RANBP2: variants seen among roughly 807,000 people sequenced by gnomAD.
The protein encoded by RANBP2 is RAN binding protein 2, also known as E3 SUMO-protein ligase RanBP2.
RANBP2 carries 57 observed loss-of-function variants against 303.6 expected under a neutral mutation model. The ratio of observed to expected loss-of-function variants is 0.19; its 90% CI spans 0.15 to 0.23. The LOEUF is 0.23. RANBP2 is among the 10% of genes least tolerant of loss of function. The pLI, the probability that RANBP2 is intolerant of heterozygous loss-of-function variation, is 1.00. For missense variants in RANBP2, 3,138 were observed against 3,780.8 expected, an observed-to-expected ratio of 0.83 and a Z score of 4.46; for synonymous variants, 1,167 against 1,301.5, an observed-to-expected ratio of 0.90 and a Z score of 2.23.
chr2:109,112,699 G>A, the RANBP2 span, among the ~76,000 whole-genome samples: 2 of 152,128 alleles, frequency 1.3e-5, no homozygotes, highest in African/African-American at 4.8e-5. Flanking sequence ...TGGACATGAA[G>A]TCCTTGCCCA....
the RANBP2 span, among the ~76,000 whole-genome samples, chr2:109,405,231 G>A: frequency 2.6e-5 from 4 of 152,242 alleles, no homozygotes; most frequent in East Asian, 1.9e-4. Context: ...AGGAGCAACC[G>A]ATGACACCCC....
intron 1 of RANBP2, among the ~76,000 whole-genome samples, chr2:108,720,766 C>T (rs868818313): frequency 3.9e-5 from 6 of 152,184 alleles, no homozygotes; most frequent in Non-Finnish European, 8.8e-5. Context: ...AGGATATTGG[C>T]GGGGCGCAGT....
the RANBP2 span, chr2:108,908,019 G>T: frequency 6.2e-7 from 1 of 1,607,098 alleles, no homozygotes; most frequent in African/African-American, 1.3e-5. Context: ...CATCGTTCTC[G>T]CTGCAAAAAC....
At chr2:109,394,131 G>A in the RANBP2 span, among the ~76,000 whole-genome samples, 1 of 152,316 alleles carries the variant, frequency 6.6e-6, no homozygotes, top group Admixed American at 6.5e-5. Context: ...CTGTTTAAAG[G>A]ATGGATGGAA....
the RANBP2 span, among the ~76,000 whole-genome samples, chr2:109,075,114 G>C: frequency 1.0e-4 from 15 of 147,060 alleles, no homozygotes; most frequent in Non-Finnish European, 2.1e-4. Flanking sequence ...AACTAGAAAA[G>C]GAACAAACTA....
the RANBP2 span, among the ~76,000 whole-genome samples, chr2:108,988,741 G>A: frequency 6.6e-6 from 1 of 152,192 alleles, no homozygotes; most frequent in Non-Finnish European, 1.5e-5. Flanking sequence ...GCAACCAACA[G>A]CAAAACAGGG....
At chr2:108,857,065 GCTTT>G in the RANBP2 span, 8 of 55,342 alleles carry the variant, frequency 1.4e-4, no homozygotes, top group South Asian at 5.4e-4. Flanking sequence ...AGATACTATT[GCTTT>G]TTTTTTTTTT....
chr2:109,170,767 G>A, the RANBP2 span, among the ~76,000 whole-genome samples: 1 of 152,318 alleles, frequency 6.6e-6, no homozygotes, highest in Non-Finnish European at 1.5e-5. Flanking sequence ...CAAGGGGTGC[G>A]GATGACCCAT....
chr2:109,628,485 C>G, the RANBP2 span, among the ~76,000 whole-genome samples: 2 of 149,578 alleles, frequency 1.3e-5, no homozygotes, highest in Non-Finnish European at 3.0e-5. Flanking sequence ...CAAAGTGAGA[C>G]TCTGTCTCAA....
chr2:109,105,670 T>C, the RANBP2 span, among the ~76,000 whole-genome samples: 1 of 152,050 alleles, frequency 6.6e-6, no homozygotes, highest in Non-Finnish European at 1.5e-5. Context: ...TTCTCCTGCT[T>C]CAGCCTCCTG....
the RANBP2 span, among the ~76,000 whole-genome samples, chr2:109,371,951 G>A: frequency 1.3e-5 from 2 of 152,154 alleles, no homozygotes; most frequent in Non-Finnish European, 2.9e-5. Context: ...GCCCCCTTGT[G>A]CACCTTCCCC....
rs749019168 is a variant in RANBP2, at chr2:108,784,477, T to A, written c.*576T>A. The stretch of plus-strand genomic sequence containing the variant: ...AGTTAACTTTGTAAGTAGCGTACCT[T>A]CCTTCCTTAAAATATCTAGCTTCCT... On this transcript the variant is annotated 3_prime_UTR_variant, in exon 29 of 29. Transcript: ENST00000283195. 1.3e-5 allele frequency: 2 copies of A among 152,724 alleles called. No individual in the cohort carries two copies. The highest frequency in any genetic ancestry group is 1.9e-4 in the East Asian group (1 of 5,194). The allele number at this position is 152,724 out of a possible 1,614,324, so 9.5% of individuals were successfully genotyped here. A position where few individuals can be genotyped will look rare whatever the true frequency, so the allele number is the denominator to read the frequency against.
the RANBP2 span, among the ~76,000 whole-genome samples, chr2:109,708,777 A>G: frequency 1.3e-5 from 2 of 151,798 alleles, no homozygotes; most frequent in East Asian, 3.9e-4. Flanking sequence ...GGGGTTCGAG[A>G]CCAGCCTGGC....
the RANBP2 span, chr2:109,501,822 G>A: frequency 1.7e-6 from 1 of 599,328 alleles, no homozygotes; most frequent in East Asian, 2.7e-5. Context: ...GGGGGCCAGG[G>A]ACTGTGGAGG....
chr2:109,681,829 G>T, the RANBP2 span, among the ~76,000 whole-genome samples: 1 of 152,250 alleles, frequency 6.6e-6, no homozygotes, highest in Non-Finnish European at 1.5e-5. Context: ...ACTTACCATG[G>T]GCCAAGAGGC....
the RANBP2 span, among the ~76,000 whole-genome samples, chr2:109,683,535 C>T: frequency 4.6e-5 from 7 of 152,180 alleles, no homozygotes; most frequent in Non-Finnish European, 8.8e-5. Flanking sequence ...AGAGTAAATA[C>T]GACTTCCAAT....
chr2:108,750,285 T>C (rs1490506674), intron 9 of RANBP2, among the ~76,000 whole-genome samples: 2 of 152,384 alleles, frequency 1.3e-5, no homozygotes, highest in South Asian at 2.1e-4. Context: ...ACTATAAATA[T>C]CACTTTTATT....
At chr2:108,816,441 A>G in the RANBP2 span, among the ~76,000 whole-genome samples, 1 of 152,004 alleles carries the variant, frequency 6.6e-6, no homozygotes, top group Non-Finnish European at 1.5e-5. Context: ...ACAGAGCAAG[A>G]CTCTGTTTCA....
At chr2:109,503,037 T>TG in the RANBP2 span, 1 of 152,204 alleles carries the variant, frequency 6.6e-6, no homozygotes, top group African/African-American at 2.4e-5. Context: ...GGTGCAGCTT[T>TG]GATGCTGGGA....
Sources: gnomAD v4.1 joint callset for allele counts (sites outside exome capture counted in the v4.1 genomes callset) on GRCh38, gnomAD v4.1.1 for gene constraint, MANE v1.5 for transcripts, NCBI Gene and HGNC (gene_info 2026-07-23, HGNC 2026-07-21) for gene names.